Variants in UNC80 observed in about 807,000 individuals in gnomAD.
The protein encoded by UNC80 is unc-80 subunit of NALCN channel complex, also known as protein unc-80 homolog.
Under a neutral mutation model 384.6 loss-of-function variants are expected in UNC80, and 164 were observed. That is an observed-to-expected ratio of 0.43 (90% CI 0.38 to 0.49). The LOEUF (loss-of-function observed/expected upper bound fraction) is 0.49, where lower values mean the gene tolerates loss of function less well. Among genes scored for constraint, UNC80 ranks in the 20% least tolerant of loss-of-function variants. The pLI is 0.00. For synonymous variants in UNC80, 1,486 were observed against 1,527.8 expected, an observed-to-expected ratio of 0.97 and a Z score of 0.64; for missense variants, 3,330 against 4,143.0, an observed-to-expected ratio of 0.80 and a Z score of 5.39.
chr2:209,962,962 AAG>A (rs2092640450), intron 51 of UNC80, among the ~76,000 whole-genome samples: 1 of 152,258 alleles, frequency 6.6e-6, no homozygotes, highest in South Asian at 2.1e-4. Context: ...TAAAAAGAGA[AAG>A]AGAAATGGGA....
rs1424074226 is a variant in UNC80, at chr2:209,839,551, C to CTTCA, written c.3250+136_3250+139dup. Reference sequence around the variant, plus strand: ...CTTCAAGTCATAAGACCTAGACTGACTTCATTCATTCATTCATTTAATTTT... The same window carrying CTTCA: ...CTTCAAGTCATAAGACCTAGACTGACTTCATTCATTCATTCATTCATTTAATTTT... On this transcript the variant is annotated intron_variant, in intron 19 of 64. Coordinates refer to ENST00000673920, the MANE Select transcript of UNC80 (RefSeq NM_001371986.1). This position sits in a 1 kb window ranked among gnomAD's most constrained non-coding sequence, Gnocchi z 4.1. The CTTCA allele has an allele frequency of 3.4e-5, 34 of 987,184 alleles. No homozygotes were observed. The Admixed American group carries it at 6.9e-4, about 20-fold the overall frequency. The allele number at this position is 987,184 out of a possible 1,614,324, so 61.2% of individuals were successfully genotyped here.
intron 7 of UNC80, chr2:209,808,974 G>T: frequency 6.3e-6 from 2 of 315,622 alleles, no homozygotes; most frequent in Non-Finnish European, 1.2e-5. Flanking sequence ...CCTTCCTGGC[G>T]CTCCAAGCAC....
At chr2:209,894,076 A>G in intron 26 of UNC80, 87 bp from the exon 27 acceptor site, 1 of 901,708 alleles carries the variant, frequency 1.1e-6, no homozygotes, top group Non-Finnish European at 1.3e-6. Flanking sequence ...GAGGAGGCTG[A>G]TCAGGGACAA....
chr2:209,773,262 C>T (rs1409447372), intron 2 of UNC80, 120 bp downstream of exon 2: 3 of 856,490 alleles, frequency 3.5e-6, no homozygotes, highest in Non-Finnish European at 3.7e-6. Flanking sequence ...TATTATTGAT[C>T]ACCCACTCTG....
chr2:209,967,349 T>G, intron 51 of UNC80, 88 bp from the exon 52 acceptor site: 1 of 951,846 alleles, frequency 1.1e-6, no homozygotes, highest in Non-Finnish European at 1.4e-6. Context: ...CTGGAAGGGG[T>G]GATTAACATG....
chr2:209,781,512 A>G (rs564429923), intron 4 of UNC80, among the ~76,000 whole-genome samples: 1 of 152,160 alleles, frequency 6.6e-6, no homozygotes, highest in Non-Finnish European at 1.5e-5. Context: ...CCTCAGCTGC[A>G]TTTAAAACTA....
intron 39 of UNC80, 108 bp downstream of exon 39, chr2:209,934,113 A>G: frequency 9.0e-7 from 1 of 1,115,266 alleles, no homozygotes; most frequent in African/African-American, 1.6e-5. Flanking sequence ...CAGAGTTCTA[A>G]CCCCCAGTAT....
rs925960054 is a variant in UNC80 at position 209,995,422 on chromosome 2, G to C, written c.9802G>C (p.Asp3268His). The C allele has an allele frequency of 1.2e-5, 18 of 1,551,786 alleles. No individual in the cohort carries two copies. Among genetic ancestry groups the C allele is most frequent in the African/African-American group, 4.1e-5 (3 of 73,034 alleles). ...AHSPLSAQLS[D>H]PDDFTGLETS... ...CAGTCCACTCTCTGCCCAACTCTCT[G>C]ACCCTGATGACTTCACAGGCCTCGA... Residue 3268 changes from aspartate to histidine, a missense_variant, in exon 65 of 65, where the codon GAC becomes CAC. Coordinates refer to ENST00000673920, the MANE Select transcript of UNC80 (RefSeq NM_001371986.1).
chr2:209,910,123 C>T (rs2088747340), intron 29 of UNC80, among the ~76,000 whole-genome samples: 1 of 151,636 alleles, frequency 6.6e-6, no homozygotes, highest in South Asian at 2.1e-4. Flanking sequence ...GACCAAAGGA[C>T]AGAATTTATC....
chr2:209,889,004 A>G (rs1404765108), intron 26 of UNC80, among the ~76,000 whole-genome samples: 1 of 152,232 alleles, frequency 6.6e-6, no homozygotes, highest in Non-Finnish European at 1.5e-5. Context: ...AATCTCATCA[A>G]TTAATAAAGC....
In UNC80 at chr2:209,921,682, A is replaced by T. The variant is rs1360424500; in HGVS notation, c.5526A>T (p.Glu1842Asp). 1.3e-6 allele frequency: 2 copies of T among 1,549,948 alleles called. No homozygotes were observed. Among genetic ancestry groups the T allele is most frequent in the African/African-American group, 2.7e-5 (2 of 73,030 alleles). Residue 1842 changes from glutamate (E) to aspartate (D), a missense_variant, in exon 34 of 65, where the codon GAA (glutamate) becomes GAT (aspartate). Physicochemically the swap from Glu to Asp is conservative, Grantham distance 45. This residue lies in a region of UNC80 where 1,049 missense variants were observed against 1,488.6 expected (regional missense o/e 0.70). Transcript: ENST00000673920. ...PTCTPNSEPE[E>D]EVEEVTNLAS... Reference sequence around the variant, plus strand: ...GCACGCCCAACTCAGAACCGGAAGAAGAAGGTGCCCTCTGCACACAGGACT... The same window carrying T: ...GCACGCCCAACTCAGAACCGGAAGATGAAGGTGCCCTCTGCACACAGGACT...
At chr2:209,968,880 GA>G (rs1431446345) in intron 52 of UNC80, 28 of 149,758 alleles carry the variant, frequency 1.9e-4, no homozygotes, top group African/African-American at 6.6e-4. Flanking sequence ...TATGAATATG[GA>G]GTTGGCTTGG....
At chr2:209,949,854 G>A (rs2092084612) in intron 47 of UNC80, among the ~76,000 whole-genome samples, 1 of 150,426 alleles carries the variant, frequency 6.6e-6, no homozygotes, top group African/African-American at 2.4e-5. Flanking sequence ...TTGAAACAGG[G>A]TCTTGTTCTG....
At chr2:209,915,993 T>C in intron 31 of UNC80, among the ~76,000 whole-genome samples, 1 of 152,238 alleles carries the variant, frequency 6.6e-6, no homozygotes, top group South Asian at 2.1e-4. Flanking sequence ...GTACTCCATG[T>C]GTACAAATAT....
At chr2:209,915,198 A>C (rs1219408428) in intron 31 of UNC80, among the ~76,000 whole-genome samples, 1 of 151,816 alleles carries the variant, frequency 6.6e-6, no homozygotes, top group African/African-American at 2.4e-5. Context: ...AGGTCAGGAG[A>C]TCAAGACCAT....
At chr2:209,883,015 C>A (rs960219019) in intron 25 of UNC80, among the ~76,000 whole-genome samples, 18 of 152,074 alleles carry the variant, frequency 1.2e-4, no homozygotes, top group Admixed American at 5.9e-4. Context: ...CCTCTGAAAT[C>A]TTTTATTCAT....
At chr2:209,886,768 T>G (rs1176874299) in intron 25 of UNC80, among the ~76,000 whole-genome samples, 1 of 152,236 alleles carries the variant, frequency 6.6e-6, no homozygotes. Flanking sequence ...CCTCAAGACT[T>G]AACTCAAACA....
At chr2:209,991,715 T>A (rs1374463186) in intron 61 of UNC80, among the ~76,000 whole-genome samples, 1 of 152,224 alleles carries the variant, frequency 6.6e-6, no homozygotes, top group Non-Finnish European at 1.5e-5. Flanking sequence ...ATAAATTCTG[T>A]GTCTGATGTG....
At chr2:209,988,784 C>T (rs940056941) in intron 61 of UNC80, among the ~76,000 whole-genome samples, 15 of 152,164 alleles carry the variant, frequency 9.9e-5, no homozygotes, top group African/African-American at 3.4e-4. Context: ...ATATGGGTCA[C>T]ACCAGTTCTG....
Sources: gnomAD v4.1 joint callset for allele counts (sites outside exome capture counted in the v4.1 genomes callset) on GRCh38, gnomAD v4.1.1 for gene constraint, gnomAD v4.1.1 regional missense constraint, Gnocchi (gnomAD v3.1) non-coding constraint, MANE v1.5 for transcripts, NCBI Gene and HGNC (gene_info 2026-07-23, HGNC 2026-07-21) for gene names.